The following ABCB1 variants were observed in gnomAD, a reference collection of about 807,000 sequenced individuals.
The protein encoded by ABCB1 is ATP-dependent translocase ABCB1.
ABCB1 carries 69 observed loss-of-function variants against 142.0 expected under a neutral mutation model. The ratio of observed to expected loss-of-function variants is 0.49; its 90% confidence interval spans 0.40 to 0.59. The LOEUF is 0.59. Ranked by LOEUF, ABCB1 falls within the 20% of genes least tolerant of loss-of-function variation. The pLI, the probability that ABCB1 is intolerant of heterozygous loss-of-function variation, is 0.00. For missense variants in ABCB1, 1,326 were observed against 1,554.7 expected (o/e 0.85, Z 2.47); for synonymous variants, 532 against 539.2 (o/e 0.99, Z 0.18).
intron 22 of ABCB1, among the ~76,000 whole-genome samples, chr7:87,519,875 G>A (rs916737915): frequency 6.6e-6 from 1 of 152,194 alleles, no homozygotes; most frequent in African/African-American, 2.4e-5. Context: ...GGCCATGATG[G>A]GTTGACATAG....
At chr7:87,677,274 A>AAC (rs57009840) in intron 1 of ABCB1, among the ~76,000 whole-genome samples, 8,101 of 135,788 alleles carry the variant, frequency 0.06, 257 homozygotes, top group South Asian at 0.1. Flanking sequence ...CAGTGTATAT[A>AAC]ACACACACAC....
chr7:87,682,951 C>T (rs1827073058), intron 1 of ABCB1, among the ~76,000 whole-genome samples: 1 of 152,202 alleles, frequency 6.6e-6, no homozygotes, highest in East Asian at 1.9e-4. Context: ...CATTGAAAAT[C>T]TGTTGTTTAG....
chr7:87,592,842 A>G (rs1423106615), intron 3 of ABCB1, among the ~76,000 whole-genome samples: 1 of 152,036 alleles, frequency 6.6e-6, no homozygotes. Context: ...ATCTATTTAG[A>G]AAAAAATTAA....
chr7:87,650,117 C>A (rs1302137046), intron 1 of ABCB1, among the ~76,000 whole-genome samples: 1 of 152,158 alleles, frequency 6.6e-6, no homozygotes, highest in Admixed American at 6.6e-5. Context: ...CAGAAACTCT[C>A]AAAAGCATTT....
chr7:87,554,112 A>T (rs754403293), intron 8 of ABCB1, among the ~76,000 whole-genome samples, 180 bp from the exon 9 acceptor site: 1 of 152,250 alleles, frequency 6.6e-6, no homozygotes, highest in Admixed American at 6.5e-5. Context: ...AGAAGAAGAA[A>T]CTGACATTTA....
At chr7:87,585,387 G>A (rs1818698909) in intron 4 of ABCB1, 125 bp downstream of exon 4, 1 of 912,888 alleles carries the variant, frequency 1.1e-6, no homozygotes, top group Non-Finnish European at 1.7e-6. Flanking sequence ...TTATAACTCA[G>A]ACTGTCTGCC....
At chr7:87,534,153 G>A (rs1816179541) in intron 20 of ABCB1, among the ~76,000 whole-genome samples, 1 of 152,176 alleles carries the variant, frequency 6.6e-6, no homozygotes. Context: ...GAGGCAGGAA[G>A]AAAAACTGCA....
intron 1 of ABCB1, among the ~76,000 whole-genome samples, chr7:87,686,210 CA>C (rs1827442208): frequency 6.6e-6 from 1 of 152,040 alleles, no homozygotes; most frequent in Non-Finnish European, 1.5e-5. Context: ...TATTCAACAA[CA>C]AATTTAGGCC....
intron 1 of ABCB1, among the ~76,000 whole-genome samples, chr7:87,705,992 A>T (rs1829548833): frequency 6.6e-6 from 1 of 151,946 alleles, no homozygotes; most frequent in African/African-American, 2.4e-5. Context: ...CTTCTTGTAT[A>T]TTTTGTGAGG....
At chr7:87,544,746 C>A (rs1816695347) in intron 16 of ABCB1, 77 bp downstream of exon 16, 3 of 1,443,814 alleles carry the variant, frequency 2.1e-6, no homozygotes, top group Non-Finnish European at 2.9e-6. Flanking sequence ...GTTCCCACTC[C>A]TACTGTAGCC....
At chr7:87,637,426 A>C (rs1821890714) in intron 1 of ABCB1, among the ~76,000 whole-genome samples, 1 of 152,162 alleles carries the variant, frequency 6.6e-6, no homozygotes, top group Non-Finnish European at 1.5e-5. Context: ...AAATTTTAGA[A>C]TCAACTTGTC....
intron 21 of ABCB1, among the ~76,000 whole-genome samples, chr7:87,524,182 A>C (rs1391000678): frequency 6.6e-6 from 1 of 152,094 alleles, no homozygotes; most frequent in African/African-American, 2.4e-5. Context: ...AATTAGTAAC[A>C]TTCTTAGAAA....
At position 87,626,416 on chromosome 7, in the gene ABCB1, ATATGTGTCATATG is replaced by A. The variant is rs1286880971; in HGVS notation, c.-330-25351_-330-25339del. Among the ~76,000 whole-genome samples the A allele has an allele frequency of 3.8e-4, 9 of 23,448 alleles. 3 individuals are homozygous for A. Among genetic ancestry groups the A allele is most frequent in the Non-Finnish European group, 5.3e-4 (9 of 16,868 alleles). The allele number at this position is 23,448 out of a possible 152,430, so 15.4% of individuals were successfully genotyped here. A position where few individuals can be genotyped will look rare whatever the true frequency, so the allele number is the denominator to read the frequency against. ...TATGTGTCATATGTATGTGTCATATATATGTGTCATATGTATGTGTCATATATGTGTCATATAT... is the reference window on the plus strand; with the variant it reads ...TATGTGTCATATGTATGTGTCATATATATGTGTCATATATGTGTCATATAT... On this transcript the variant is annotated intron_variant, in intron 1 of 28. Transcript: ENST00000265724.
In ABCB1 at chr7:87,549,369, C is replaced by T. The variant is rs749238338; in HGVS notation, c.1704G>A (p.Val568=). ...TSALDTESEA[V]VQVALDKARK... is the part of the protein sequence containing the mutation. ...TGACCTTATCCAGAGCCACCTGAAC[C>T]ACTGCTTCGCTTTCTGTGTCCAAGG... is the stretch of plus-strand genomic sequence containing the variant. Residue 568 remains valine (V), a synonymous_variant, in exon 14 of 28, where the codon GTG becomes GTA. Coordinates refer to ENST00000622132, the MANE Select transcript of ABCB1 (RefSeq NM_001348946.2). 3 of 1,614,152 alleles carry T rather than the reference C, an allele frequency of 1.9e-6. No individual in the cohort carries two copies. The Admixed American group carries it at 5.0e-5, about 27-fold the overall frequency.
At chr7:87,712,409 G>A (rs1313642280) in intron 1 of ABCB1, among the ~76,000 whole-genome samples, 3 of 151,960 alleles carry the variant, frequency 2.0e-5, no homozygotes, top group South Asian at 2.1e-4. Flanking sequence ...ACAAAGAATC[G>A]TATCAGAATC....
chr7:87,626,091 T>TATATATATAGTCATATATATGTGTC lies in ABCB1; in HGVS notation c.-330-25014_-330-25013insGACACATATATATGACTATATATAT, dbSNP rs1554444008. On this transcript the variant is annotated intron_variant, in intron 1 of 28. Coordinates refer to the ABCB1 transcript ENST00000265724. ...CCAGGCTGAGACATATATATATATA[T>TATATATATAGTCATATATATGTGTC]ATATATATTGTCATATATATGTGTC... 9.1e-4 allele frequency among the ~76,000 whole-genome samples: 87 copies of TATATATATAGTCATATATATGTGTC among 95,802 alleles called. 11 individuals are homozygous for TATATATATAGTCATATATATGTGTC. The highest frequency in any genetic ancestry group is 2.4e-3 in the East Asian group (8 of 3,282). The allele number at this position is 95,802 out of a possible 152,430, so 62.8% of individuals were successfully genotyped here. A position where few individuals can be genotyped will look rare whatever the true frequency, so the allele number is the denominator to read the frequency against.
At chr7:87,563,744 A>T (rs1205768932) in intron 7 of ABCB1, among the ~76,000 whole-genome samples, 2 of 152,170 alleles carry the variant, frequency 1.3e-5, no homozygotes, top group Non-Finnish European at 1.5e-5. Flanking sequence ...CTGGCACAAA[A>T]CAAGGATGGA....
chr7:87,636,123 G>A (rs1199571194), intron 1 of ABCB1, among the ~76,000 whole-genome samples: 1 of 152,134 alleles, frequency 6.6e-6, no homozygotes, highest in Non-Finnish European at 1.5e-5. Flanking sequence ...TGAGTCATAT[G>A]GCATGCAGAT....
chr7:87,595,629 A>C, intron 3 of ABCB1, 137 bp downstream of exon 3: 1 of 704,004 alleles, frequency 1.4e-6, no homozygotes, highest in Non-Finnish European at 2.5e-6. Context: ...AAATAAGCTA[A>C]ATCAAACCAA....
Sources: allele counts gnomAD v4.1 joint callset (sites outside exome capture counted in the v4.1 genomes callset), GRCh38; gene constraint gnomAD v4.1.1; transcripts MANE v1.5; gene names NCBI Gene and HGNC (gene_info 2026-07-23, HGNC 2026-07-21).